The following GNB1L variants were observed in gnomAD, a reference collection of about 807,000 sequenced individuals.
GNB1L encodes the protein guanine nucleotide-binding protein subunit beta-like protein 1.
A neutral mutation model predicts 29.1 loss-of-function variants in GNB1L; 20 were observed. The observed-to-expected ratio is 0.69, with a 90% CI of 0.48 to 1.00. The LOEUF is 1.00. Ranked by LOEUF, GNB1L falls within the 50% of genes least tolerant of loss-of-function variation. The pLI, the probability that GNB1L is intolerant of heterozygous loss-of-function variation, is 0.00. For synonymous variants in GNB1L, 193 were observed against 206.5 expected (o/e 0.93, Z 0.56); for missense variants, 421 against 464.9 (o/e 0.91, Z 0.87).
chr22:19,821,912 G>A (rs1455334269), intron 2 of GNB1L, among the ~76,000 whole-genome samples: 1 of 152,184 alleles, frequency 6.6e-6, no homozygotes, highest in Non-Finnish European at 1.5e-5. Flanking sequence ...CCTCTGTCCA[G>A]GGCTCACTCC....
intron 7 of GNB1L, among the ~76,000 whole-genome samples, chr22:19,797,606 G>A (rs1937321462): frequency 6.6e-6 from 1 of 152,182 alleles, no homozygotes; most frequent in Non-Finnish European, 1.5e-5. Context: ...CCCACAGCCA[G>A]CGCAGCCCTC....
intron 2 of GNB1L, among the ~76,000 whole-genome samples, chr22:19,832,593 A>T (rs983284918): frequency 6.6e-6 from 1 of 152,126 alleles, no homozygotes; most frequent in Non-Finnish European, 1.5e-5. Flanking sequence ...CGGCCCCAAG[A>T]ATGTGAGGGG....
intron 2 of GNB1L, chr22:19,851,663 G>A: frequency 6.3e-7 from 1 of 1,594,948 alleles, no homozygotes; most frequent in Non-Finnish European, 8.6e-7. Context: ...CAGCTGGCTG[G>A]AGGCCAGGGG....
chr22:19,837,832 A>G (rs946274444), intron 2 of GNB1L, among the ~76,000 whole-genome samples: 2 of 152,252 alleles, frequency 1.3e-5, no homozygotes, highest in African/African-American at 2.4e-5. Flanking sequence ...TAAATCTCAA[A>G]ATAATCATGT....
intron 2 of GNB1L, among the ~76,000 whole-genome samples, chr22:19,833,622 G>A (rs956769351): frequency 6.6e-6 from 1 of 152,148 alleles, no homozygotes; most frequent in African/African-American, 2.4e-5. Context: ...CCAACACTTT[G>A]GGAGGCTGAG....
At chr22:19,821,862 G>A (rs1176106841) in intron 2 of GNB1L, among the ~76,000 whole-genome samples, 1 of 152,194 alleles carries the variant, frequency 6.6e-6, no homozygotes, top group Non-Finnish European at 1.5e-5. Flanking sequence ...TCTGCATGCC[G>A]GGACTGCCGG....
intron 2 of GNB1L, among the ~76,000 whole-genome samples, chr22:19,824,010 G>C (rs1937600083): frequency 6.6e-6 from 1 of 152,206 alleles, no homozygotes; most frequent in Admixed American, 6.5e-5. Flanking sequence ...GGAGTTTCCA[G>C]AACCTCACCA....
intron 5 of GNB1L, among the ~76,000 whole-genome samples, chr22:19,811,673 C>T (rs1011563228): frequency 5.9e-5 from 9 of 152,132 alleles, no homozygotes; most frequent in African/African-American, 2.2e-4. Flanking sequence ...CTAACAGTGG[C>T]CTCCCTGCTT....
At chr22:19,790,980 C>A (rs1937247012) in intron 7 of GNB1L, among the ~76,000 whole-genome samples, 1 of 152,080 alleles carries the variant, frequency 6.6e-6, no homozygotes, top group Admixed American at 6.5e-5. Context: ...CATATAATCC[C>A]AGCACTTTGG....
chr22:19,809,058 T>C (rs1438133627), intron 5 of GNB1L, among the ~76,000 whole-genome samples: 1 of 151,930 alleles, frequency 6.6e-6, no homozygotes, highest in Non-Finnish European at 1.5e-5. Context: ...GGCCTGTCCC[T>C]ATAGACCTAG....
intron 7 of GNB1L, among the ~76,000 whole-genome samples, chr22:19,793,693 C>G (rs76660130): frequency 0.022 from 3,349 of 152,242 alleles, 52 homozygotes; most frequent in Non-Finnish European, 0.032. Context: ...ATATTACATG[C>G]ATGGGAATGA....
intron 6 of GNB1L, among the ~76,000 whole-genome samples, chr22:19,805,440 C>T (rs542479089): frequency 6.6e-6 from 1 of 152,360 alleles, no homozygotes; most frequent in East Asian, 1.9e-4. Flanking sequence ...CCAGAGTCAC[C>T]TCCCGGTAAA....
At chr22:19,798,783 G>A (rs979556587) in intron 7 of GNB1L, among the ~76,000 whole-genome samples, 2 of 152,218 alleles carry the variant, frequency 1.3e-5, no homozygotes, top group Non-Finnish European at 2.9e-5. Context: ...AAATGAGGAT[G>A]ATGCGGGAAG....
chr22:19,821,114 C>T (rs1023644084), intron 3 of GNB1L, 114 bp downstream of exon 3: 25 of 1,049,356 alleles, frequency 2.4e-5, no homozygotes, highest in East Asian at 9.5e-5. Flanking sequence ...GCCTGGGTGG[C>T]GAGCAGTCCA....
At position 19,784,189 on chromosome 22, in the gene GNB1L, C is replaced by T. The variant is rs1461407268; in HGVS notation, c.*4520G>A. 3 of 152,226 alleles carry T rather than the reference C, an allele frequency of 2.0e-5. No homozygotes were observed. The highest frequency in any genetic ancestry group is 4.4e-5 in the Non-Finnish European group (3 of 68,052). 9.4% of individuals were successfully genotyped at this position (152,226 alleles called of 1,614,324 possible). Reference sequence around the variant, plus strand: ...GGAGGGTTGTTTTTCTTTGTGCAAACACTCCTTTTGTGCAGAGGGTGTTCT... The same window carrying T: ...GGAGGGTTGTTTTTCTTTGTGCAAATACTCCTTTTGTGCAGAGGGTGTTCT... On this transcript the variant is annotated 3_prime_UTR_variant, in exon 8 of 8. Coordinates refer to ENST00000329517, the MANE Select transcript of GNB1L (RefSeq NM_053004.3).
chr22:19,812,445 T>C lies in GNB1L; in HGVS notation c.257A>G (p.Gln86Arg). ...TLPQGRQLLS[Q>R]GRDLKLCLWD... ...CAGGCACAGCTTCAGGTCCCGGCCCTGACTGCCAGACAAAGAGGAGACAGG... is the reference window on the plus strand; with the variant it reads ...CAGGCACAGCTTCAGGTCCCGGCCCCGACTGCCAGACAAAGAGGAGACAGG... Residue 86 changes from glutamine to arginine, a missense_variant and splice_region_variant, in exon 5 of 8, where the codon CAG (glutamine) becomes CGG (arginine). Gln to Arg is a conservative substitution (Grantham distance 43, BLOSUM62 1). Transcript: ENST00000329517. 1 of 1,611,158 alleles carries C rather than the reference T, an allele frequency of 6.2e-7. No homozygotes were observed. Among genetic ancestry groups the C allele is most frequent in the Non-Finnish European group, 8.5e-7 (1 of 1,178,632 alleles).
At chr22:19,790,189 A>G (rs1937237948) in intron 7 of GNB1L, among the ~76,000 whole-genome samples, 2 of 152,218 alleles carry the variant, frequency 1.3e-5, no homozygotes, top group South Asian at 2.1e-4. Context: ...AACTGCAGCA[A>G]ATGGTCTGGC....
At chr22:19,796,026 C>T (rs969816854) in intron 7 of GNB1L, among the ~76,000 whole-genome samples, 2 of 152,196 alleles carry the variant, frequency 1.3e-5, no homozygotes, top group Non-Finnish European at 2.9e-5. Flanking sequence ...GATGTGTCTA[C>T]GCCTGGAGGG....
intron 2 of GNB1L, chr22:19,852,179 T>C: frequency 6.2e-7 from 1 of 1,613,952 alleles, no homozygotes; most frequent in Non-Finnish European, 8.5e-7. Flanking sequence ...GTCCATCTGC[T>C]GCCATGGATG....
Sources: gnomAD v4.1 joint callset for allele counts (sites outside exome capture counted in the v4.1 genomes callset) on GRCh38, gnomAD v4.1.1 for gene constraint, MANE v1.5 for transcripts, NCBI Gene and HGNC (gene_info 2026-07-23, HGNC 2026-07-21) for gene names.